PDE8A: variants seen among roughly 807,000 people sequenced by gnomAD.
PDE8A encodes the protein phosphodiesterase 8A.
PDE8A carries 59 observed loss-of-function variants against 105.0 expected under a neutral mutation model. The ratio of observed to expected loss-of-function variants is 0.56; its 90% confidence interval spans 0.46 to 0.70. PDE8A has a LOEUF of 0.70. Among genes scored for constraint, PDE8A ranks in the 30% least tolerant of loss-of-function variants. The pLI, the probability that PDE8A is intolerant of heterozygous loss-of-function variation, is 0.00. For synonymous variants in PDE8A, 355 were observed against 371.9 expected, an observed-to-expected ratio of 0.95 and a Z score of 0.52; for missense variants, 1,014 against 1,045.9, an observed-to-expected ratio of 0.97 and a Z score of 0.42.
chr15:84,982,414 G>C, intron 1 of PDE8A, 66 bp downstream of exon 1: 8 of 1,109,696 alleles, frequency 7.2e-6, no homozygotes, highest in Non-Finnish European at 9.3e-6. Context: ...CAACTTTCCC[G>C]CAGGGGCCGG....
chr15:85,133,274 T>C (rs1159155412), intron 20 of PDE8A, among the ~76,000 whole-genome samples: 1 of 152,198 alleles, frequency 6.6e-6, no homozygotes, highest in East Asian at 1.9e-4. Flanking sequence ...TCTTCAGGCA[T>C]CCATATTGGT....
intron 1 of PDE8A, among the ~76,000 whole-genome samples, chr15:84,993,410 T>A (rs1367917967): frequency 8.1e-6 from 1 of 122,844 alleles, no homozygotes; most frequent in Non-Finnish European, 1.6e-5. Context: ...GCCACTGCAG[T>A]CCAGCCTGGG....
chr15:84,987,325 T>C (rs17610201), intron 1 of PDE8A, among the ~76,000 whole-genome samples: 2,851 of 152,332 alleles, frequency 0.019, 46 homozygotes, highest in Middle Eastern at 0.031. Context: ...ACCTGAAACC[T>C]GTCCCTGACC....
At chr15:85,035,365 C>T (rs1262306292) in intron 1 of PDE8A, among the ~76,000 whole-genome samples, 3 of 151,912 alleles carry the variant, frequency 2.0e-5, no homozygotes, top group East Asian at 1.9e-4. Flanking sequence ...CCCGCCACCA[C>T]GCCCAGCTAA....
intron 20 of PDE8A, among the ~76,000 whole-genome samples, chr15:85,131,843 C>A (rs2082334421): frequency 1.3e-5 from 2 of 151,982 alleles, no homozygotes; most frequent in South Asian, 4.1e-4. Context: ...CTCTTTTTTG[C>A]AGGACAGTTT....
intron 2 of PDE8A, among the ~76,000 whole-genome samples, chr15:85,064,935 G>A (rs1413209378): frequency 6.6e-6 from 1 of 151,768 alleles, no homozygotes; most frequent in Non-Finnish European, 1.5e-5. Flanking sequence ...TCACACCATT[G>A]CACTGCAGCC....
intron 1 of PDE8A, among the ~76,000 whole-genome samples, chr15:85,019,489 A>G (rs1014416649): frequency 1.3e-5 from 2 of 152,138 alleles, no homozygotes; most frequent in African/African-American, 2.4e-5. Flanking sequence ...CCTGGGCTCA[A>G]ACGATCCACG....
intron 1 of PDE8A, among the ~76,000 whole-genome samples, chr15:85,002,375 A>G (rs1045859759): frequency 6.6e-6 from 1 of 152,092 alleles, no homozygotes; most frequent in Non-Finnish European, 1.5e-5. Context: ...ACAAATGAAC[A>G]GACAGACAAA....
At chr15:85,013,782 G>GC (rs1234155523) in intron 1 of PDE8A, among the ~76,000 whole-genome samples, 1 of 152,190 alleles carries the variant, frequency 6.6e-6, no homozygotes, top group Non-Finnish European at 1.5e-5. Context: ...TCAGGTGTTG[G>GC]CTGGGTCTTT....
At chr15:85,127,778 T>C (rs1439136988) in intron 20 of PDE8A, among the ~76,000 whole-genome samples, 1 of 151,814 alleles carries the variant, frequency 6.6e-6, no homozygotes, top group Non-Finnish European at 1.5e-5. Flanking sequence ...TTTCAGCAGG[T>C]TTTTTTTCTG....
chr15:85,095,510 A>AT (rs2081731600), intron 8 of PDE8A, among the ~76,000 whole-genome samples: 1 of 151,686 alleles, frequency 6.6e-6, no homozygotes, highest in Non-Finnish European at 1.5e-5. Flanking sequence ...CGCCTGGCTA[A>AT]TTTTTGTACT....
intron 1 of PDE8A, among the ~76,000 whole-genome samples, chr15:85,055,696 G>A (rs372874457): frequency 2.0e-5 from 3 of 152,058 alleles, no homozygotes; most frequent in Non-Finnish European, 4.4e-5. Flanking sequence ...TTTTGAGCCT[G>A]TGTGTGTCTC....
At chr15:85,048,936 A>C (rs1167771965) in intron 1 of PDE8A, among the ~76,000 whole-genome samples, 22 of 152,140 alleles carry the variant, frequency 1.4e-4, no homozygotes, top group Non-Finnish European at 2.9e-5. Flanking sequence ...CCCCGTCTCT[A>C]CTAAAAATAA....
At chr15:85,100,124 C>G (rs1412622085) in intron 10 of PDE8A, 32 bp from the exon 11 acceptor site, 1 of 1,612,982 alleles carries the variant, frequency 6.2e-7, no homozygotes, top group African/African-American at 1.3e-5. Context: ...TTTCAGCAAT[C>G]AGAACTAATG....
intron 1 of PDE8A, among the ~76,000 whole-genome samples, chr15:85,046,085 T>TA (rs1176625905): frequency 8.6e-6 from 1 of 116,062 alleles, no homozygotes; most frequent in African/African-American, 2.8e-5. Context: ...TTTTTTTTTT[T>TA]AAGACAGAGT....
intron 1 of PDE8A, among the ~76,000 whole-genome samples, chr15:85,015,810 T>C (rs1369531891): frequency 6.6e-6 from 1 of 152,228 alleles, no homozygotes; most frequent in Admixed American, 6.5e-5. Flanking sequence ...TTGCAAATAT[T>C]CTTTCCATTT....
intron 1 of PDE8A, among the ~76,000 whole-genome samples, chr15:85,052,743 A>T (rs1418016744): frequency 6.6e-6 from 1 of 152,226 alleles, no homozygotes; most frequent in African/African-American, 2.4e-5. Context: ...AGATGGGTAG[A>T]TTGTAAAAAT....
intron 1 of PDE8A, among the ~76,000 whole-genome samples, chr15:85,038,067 T>C (rs2080736786): frequency 6.6e-6 from 1 of 152,252 alleles, no homozygotes. Context: ...CCTGCTGACA[T>C]ACATTTTAAT....
intron 1 of PDE8A, among the ~76,000 whole-genome samples, chr15:85,002,569 C>T (rs373230321): frequency 3.6e-4 from 55 of 152,204 alleles, no homozygotes; most frequent in Non-Finnish European, 6.9e-4. Flanking sequence ...ATTAAATCAT[C>T]GGCCATTGGT....
Sources: gnomAD v4.1 joint callset for allele counts (sites outside exome capture counted in the v4.1 genomes callset) on GRCh38, gnomAD v4.1.1 for gene constraint, MANE v1.5 for transcripts, NCBI Gene and HGNC (gene_info 2026-07-23, HGNC 2026-07-21) for gene names.